Variants in SOCS4 observed in about 807,000 individuals in gnomAD.
SOCS4 encodes SH2 domain containing SOCS box protein.
A neutral mutation model predicts 34.1 loss-of-function variants in SOCS4; 20 were observed. The ratio of observed to expected loss-of-function variants is 0.59; its 90% CI spans 0.41 to 0.85. The LOEUF (loss-of-function observed/expected upper bound fraction) is 0.85. SOCS4 is among the 40% of genes least tolerant of loss of function. The pLI is 0.00. For synonymous variants in SOCS4, 180 were observed against 186.4 expected (o/e 0.97, Z 0.28); for missense variants, 479 against 532.4 (o/e 0.90, Z 0.99).
At chr14:55,041,895 G>T (rs148181766) in intron 2 of SOCS4, among the ~76,000 whole-genome samples, 3,881 of 144,708 alleles carry the variant, frequency 0.027, 140 homozygotes, top group East Asian at 0.16. Context: ...GGGTTCAAGT[G>T]ATTCTCCTGC....
intron 2 of SOCS4, among the ~76,000 whole-genome samples, chr14:55,034,743 G>A (rs2042557149): frequency 6.6e-6 from 1 of 151,732 alleles, no homozygotes; most frequent in Non-Finnish European, 1.5e-5. Context: ...GGCTGAGGCA[G>A]GAGAATCACT....
At position 55,047,883 on chromosome 14, in the gene SOCS4, C is replaced by A. The variant is rs921553987; in HGVS notation, c.*3519C>A. 4 of 167,206 alleles carry A rather than the reference C, an allele frequency of 2.4e-5. No homozygotes were observed. The highest frequency in any genetic ancestry group is 2.0e-4 in the Admixed American group (3 of 15,304). 10.4% of individuals were successfully genotyped at this position (167,206 alleles called of 1,614,324 possible). On this transcript the variant is annotated 3_prime_UTR_variant, in exon 3 of 3. Transcript: ENST00000555846. ...AAGTTTGGATCATTTTATAGATCCA[C>A]GCAATAGAGAGCTTCCTTCCTATGA...
Position 55,048,594 on chromosome 14 carries a change from T to A in SOCS4, c.*4230T>A, listed in dbSNP as rs1385988572. ...CAGTGCAAGAGTCTACCTGTACTAT[T>A]CTAATACAGTAAGATATTGGACACA... On this transcript the variant is annotated 3_prime_UTR_variant, in exon 3 of 3. Transcript: ENST00000555846. 3.6e-5 allele frequency: 6 copies of A among 167,056 alleles called. No homozygotes were observed. The highest frequency in any genetic ancestry group is 8.8e-5 in the Non-Finnish European group (6 of 68,124). The allele number at this position is 167,056 out of a possible 1,614,324, so 10.3% of individuals were successfully genotyped here. A position where few individuals can be genotyped will look rare whatever the true frequency, so the allele number is the denominator to read the frequency against.
At chr14:55,037,527 C>G (rs1167472771) in intron 2 of SOCS4, among the ~76,000 whole-genome samples, 1 of 150,806 alleles carries the variant, frequency 6.6e-6, no homozygotes, top group African/African-American at 2.4e-5. Flanking sequence ...GAATTTCACT[C>G]TTGTCACCCA....
At chr14:55,041,217 T>C (rs566112770) in intron 2 of SOCS4, among the ~76,000 whole-genome samples, 2 of 152,280 alleles carry the variant, frequency 1.3e-5, no homozygotes, top group South Asian at 4.1e-4. Context: ...GGCAAGTCTT[T>C]ATTATTAGTT....
intron 2 of SOCS4, among the ~76,000 whole-genome samples, chr14:55,034,312 T>C (rs977243617): frequency 3.3e-5 from 5 of 152,198 alleles, no homozygotes; most frequent in Non-Finnish European, 7.3e-5. Context: ...AGTACTAATA[T>C]TAGTTTTTGT....
intron 2 of SOCS4, among the ~76,000 whole-genome samples, chr14:55,041,326 T>C (rs981519895): frequency 2.0e-5 from 3 of 152,238 alleles, no homozygotes; most frequent in African/African-American, 7.2e-5. Flanking sequence ...AGACATTTAC[T>C]TGACTGTTGG....
intron 2 of SOCS4, among the ~76,000 whole-genome samples, chr14:55,038,079 G>A (rs2042588658): frequency 6.6e-6 from 1 of 152,204 alleles, no homozygotes; most frequent in Admixed American, 6.5e-5. Flanking sequence ...GGCAGAAGGT[G>A]AATGAGGAGC....
At chr14:55,036,634 A>T in intron 2 of SOCS4, among the ~76,000 whole-genome samples, 1 of 151,894 alleles carries the variant, frequency 6.6e-6, no homozygotes, top group East Asian at 1.9e-4. Context: ...TTGAGCCACC[A>T]CACCCGGCCA....
intron 1 of SOCS4, chr14:55,027,908 C>T (rs1055233167): frequency 6.6e-6 from 1 of 152,194 alleles, no homozygotes; most frequent in Non-Finnish European, 1.5e-5. Context: ...AACTTAGTAG[C>T]CTTGAGCACT....
chr14:55,041,706 C>T (rs190514686), intron 2 of SOCS4, among the ~76,000 whole-genome samples: 2 of 151,338 alleles, frequency 1.3e-5, no homozygotes, highest in African/African-American at 4.9e-5. Flanking sequence ...AACTCCTGAC[C>T]TCATGATCCA....
chr14:55,028,053 A>G (rs1331426625), intron 1 of SOCS4, among the ~76,000 whole-genome samples: 1 of 152,200 alleles, frequency 6.6e-6, no homozygotes, highest in Non-Finnish European at 1.5e-5. Context: ...TTTCATTTGT[A>G]CTTATCTTTG....
intron 2 of SOCS4, among the ~76,000 whole-genome samples, chr14:55,042,406 C>T (rs2042628616): frequency 6.6e-6 from 1 of 152,146 alleles, no homozygotes; most frequent in Non-Finnish European, 1.5e-5. Context: ...AGCATTTTTG[C>T]TGTTCAATGG....
At chr14:55,030,931 A>G (rs993591690) in intron 1 of SOCS4, among the ~76,000 whole-genome samples, 39 of 152,266 alleles carry the variant, frequency 2.6e-4, no homozygotes, top group Admixed American at 9.8e-4. Context: ...TTTATGCTTA[A>G]TTGGTCTCAC....
At chr14:55,027,998 A>C (rs1193341815) in intron 1 of SOCS4, among the ~76,000 whole-genome samples, 1 of 152,192 alleles carries the variant, frequency 6.6e-6, no homozygotes, top group Admixed American at 6.5e-5. Context: ...TTCATTCTCC[A>C]TATTGGTACA....
chr14:55,042,007 G>A (rs2042624300), intron 2 of SOCS4, among the ~76,000 whole-genome samples: 1 of 151,630 alleles, frequency 6.6e-6, no homozygotes, highest in Non-Finnish European at 1.5e-5. Context: ...TGGCCAGGCT[G>A]GGCTGGTCAT....
At position 55,045,942 on chromosome 14, in the gene SOCS4, A is replaced by G. The variant is rs971689211; in HGVS notation, c.*1578A>G. 2.4e-5 allele frequency: 4 copies of G among 166,922 alleles called. No individual in the cohort carries two copies. Among genetic ancestry groups the G allele is most frequent in the Non-Finnish European group, 5.9e-5 (4 of 68,016 alleles). 10.3% of individuals were successfully genotyped at this position (166,922 alleles called of 1,614,324 possible). A position where few individuals can be genotyped will look rare whatever the true frequency, so the allele number is the denominator to read the frequency against. On this transcript the variant is annotated 3_prime_UTR_variant, in exon 3 of 3. Transcript: ENST00000555846. ...ATCTTGCAGTTCTGTTAACATGAAA[A>G]TGGCATTTTTCCATAATAGCTTTAA...
At chr14:55,037,488 C>T (rs993063600) in intron 2 of SOCS4, among the ~76,000 whole-genome samples, 2 of 150,858 alleles carry the variant, frequency 1.3e-5, no homozygotes, top group Admixed American at 1.3e-4. Context: ...GTTGTCTCCA[C>T]CTCTTTTTTT....
chr14:55,034,097 C>CA (rs1350224819), intron 2 of SOCS4, among the ~76,000 whole-genome samples: 1 of 152,162 alleles, frequency 6.6e-6, no homozygotes, highest in Non-Finnish European at 1.5e-5. Flanking sequence ...CGCACTGCTG[C>CA]ACTCCACCCT....
Sources: allele counts gnomAD v4.1 joint callset (sites outside exome capture counted in the v4.1 genomes callset), GRCh38; gene constraint gnomAD v4.1.1; transcripts MANE v1.5; gene names NCBI Gene and HGNC (gene_info 2026-07-23, HGNC 2026-07-21).